The following TUBGCP3 variants were observed in gnomAD, a reference collection of about 807,000 sequenced individuals.
TUBGCP3 encodes the protein gamma-tubulin complex component 3.
In TUBGCP3, 50 loss-of-function variants were observed where a neutral mutation model predicts 123.1. That is an observed-to-expected ratio of 0.41 (90% confidence interval 0.32 to 0.51). TUBGCP3 has a LOEUF of 0.51. TUBGCP3 is among the 20% of genes least tolerant of loss of function. TUBGCP3 has a pLI of 0.36. For missense variants in TUBGCP3, 882 were observed against 1,127.0 expected, an observed-to-expected ratio of 0.78 and a Z score of 3.11; for synonymous variants, 405 against 413.9, an observed-to-expected ratio of 0.98 and a Z score of 0.26.
chr13:112,489,921 C>T lies in TUBGCP3; in HGVS notation c.2449-224G>A, dbSNP rs1017424566. The T allele has an allele frequency of 1.6e-5, 9 of 558,794 alleles. No individual in the cohort carries two copies. The South Asian group carries it at 1.7e-4, about 11-fold the overall frequency. The allele number at this position is 558,794 out of a possible 1,614,324, so 34.6% of individuals were successfully genotyped here. ...ATATTTCATATGAACACATTTGAGA[C>T]TGCCTCTGTTGTTTTTAATATCACA... On this transcript the variant is annotated intron_variant, in intron 20 of 21. Coordinates refer to ENST00000261965, the MANE Select transcript of TUBGCP3 (RefSeq NM_006322.6).
intron 21 of TUBGCP3, among the ~76,000 whole-genome samples, chr13:112,489,164 C>G (rs1274418757): frequency 2.7e-5 from 4 of 150,010 alleles, no homozygotes; most frequent in African/African-American, 9.9e-5. Flanking sequence ...CCCAGGTCCC[C>G]ACACCCACCA....
chr13:112,515,392 G>T (rs1055113142), intron 17 of TUBGCP3, among the ~76,000 whole-genome samples: 1 of 152,156 alleles, frequency 6.6e-6, no homozygotes, highest in Non-Finnish European at 1.5e-5. Context: ...GTATTCATAA[G>T]AACACAGGGG....
chr13:112,547,340 A>G (rs1032242100), intron 10 of TUBGCP3: 1 of 424,414 alleles, frequency 2.4e-6, no homozygotes, highest in Non-Finnish European at 4.0e-6. Flanking sequence ...TCTACCATAT[A>G]AATACTGGGC....
intron 12 of TUBGCP3, 75 bp downstream of exon 12, chr13:112,527,299 A>T: frequency 8.8e-7 from 1 of 1,131,194 alleles, no homozygotes; most frequent in South Asian, 1.5e-5. Context: ...TTTAACTGAA[A>T]ATTGGTTTTG....
intron 1 of TUBGCP3, among the ~76,000 whole-genome samples, chr13:112,577,081 G>A (rs1881883086): frequency 6.6e-6 from 1 of 152,018 alleles, no homozygotes; most frequent in Non-Finnish European, 1.5e-5. Context: ...AAGGGATACT[G>A]CCACTGATCT....
chr13:112,527,564 G>A, intron 11 of TUBGCP3, 80 bp from the exon 12 acceptor site: 1 of 998,786 alleles, frequency 1.0e-6, no homozygotes, highest in South Asian at 1.4e-5. Context: ...CAAAGAGTAA[G>A]TTATTCTAGA....
Position 112,504,015 on chromosome 13 carries a change from G to A in TUBGCP3, c.2307+17C>T, listed in dbSNP as rs374347551. 2.5e-6 allele frequency: 4 copies of A among 1,584,690 alleles called. No homozygotes were observed. The highest frequency in any genetic ancestry group is 2.6e-6 in the Non-Finnish European group (3 of 1,163,374). On this transcript the variant is annotated intron_variant, in intron 19 of 21. Transcript: ENST00000261965. ...GATTCTTTTGGTTTCTTGTTTCTAA[G>A]CAGGTCGGAGTCTTACCCTGGAGTC... is the stretch of plus-strand genomic sequence containing the variant.
At chr13:112,525,770 A>C (rs1363512554) in intron 13 of TUBGCP3, among the ~76,000 whole-genome samples, 2 of 152,190 alleles carry the variant, frequency 1.3e-5, no homozygotes, top group African/African-American at 2.4e-5. Flanking sequence ...CTCCAAACAA[A>C]GCCTTTGCAT....
intron 14 of TUBGCP3, 48 bp from the exon 15 acceptor site, chr13:112,520,069 A>G (rs764006623): frequency 6.4e-7 from 1 of 1,557,336 alleles, no homozygotes; most frequent in Admixed American, 1.8e-5. Flanking sequence ...TCAATTCTTA[A>G]TGAACTTTAA....
chr13:112,547,558 AAAGTCGCG>A (rs1566567441), intron 10 of TUBGCP3, 54 bp downstream of exon 10: 2 of 1,340,772 alleles, frequency 1.5e-6, no homozygotes, highest in East Asian at 2.6e-5. Flanking sequence ...CGCGCGTGGG[AAAGTCGCG>A]CGTGGGAAAG....
the TUBGCP3 span, among the ~76,000 whole-genome samples, chr13:112,595,978 T>C: frequency 6.6e-6 from 1 of 152,228 alleles, no homozygotes; most frequent in Non-Finnish European, 1.5e-5. Flanking sequence ...GAGGAGTTTC[T>C]TTAGGTGCTA....
intron 21 of TUBGCP3, among the ~76,000 whole-genome samples, chr13:112,487,988 C>T (rs753962585): frequency 6.6e-6 from 1 of 151,822 alleles, no homozygotes; most frequent in Non-Finnish European, 1.5e-5. Flanking sequence ...AACAATTAGC[C>T]GGGTGTGGTG....
intron 20 of TUBGCP3, among the ~76,000 whole-genome samples, chr13:112,491,321 T>C (rs1255465820): frequency 1.3e-5 from 2 of 152,222 alleles, no homozygotes; most frequent in South Asian, 2.1e-4. Flanking sequence ...TCTTTCATAG[T>C]CTGTAAGAAA....
At chr13:112,559,539 G>T in intron 3 of TUBGCP3, 140 bp from the exon 4 acceptor site, 2 of 719,668 alleles carry the variant, frequency 2.8e-6, no homozygotes, top group Non-Finnish European at 2.1e-6. Context: ...CAATTCATAA[G>T]TATTTTCAAC....
rs551580041 is a variant in TUBGCP3 at position 112,559,867 on chromosome 13, G to A, written c.253-468C>T. On this transcript the variant is annotated intron_variant, in intron 3 of 21. Transcript: ENST00000261965. ...ATGCAGGTCTGGGCCGGGAACAGGG[G>A]CTCACGCCTGTAATCCCAGCACTTT... is the stretch of plus-strand genomic sequence containing the variant. 3.9e-5 allele frequency among the ~76,000 whole-genome samples: 6 copies of A among 152,340 alleles called. No individual in the cohort carries two copies. The East Asian group carries it at 9.7e-4, about 25-fold the overall frequency.
intron 8 of TUBGCP3, among the ~76,000 whole-genome samples, chr13:112,550,561 C>T (rs940668261): frequency 6.6e-5 from 10 of 152,286 alleles, no homozygotes; most frequent in African/African-American, 1.9e-4. Flanking sequence ...CAGCCCCTGA[C>T]GGTATGAACC....
intron 21 of TUBGCP3, among the ~76,000 whole-genome samples, chr13:112,487,598 C>T (rs931146922): frequency 1.3e-5 from 2 of 152,058 alleles, no homozygotes; most frequent in Non-Finnish European, 2.9e-5. Flanking sequence ...TGGATCTAAC[C>T]ATTAGGTGTC....
At chr13:112,601,664 C>T in the TUBGCP3 span, among the ~76,000 whole-genome samples, 1 of 152,062 alleles carries the variant, frequency 6.6e-6, no homozygotes, top group South Asian at 2.1e-4. Flanking sequence ...CAGTCAGGTC[C>T]GACTCATCCC....
chr13:112,489,413 C>G (rs1217827532), intron 21 of TUBGCP3, among the ~76,000 whole-genome samples, 168 bp downstream of exon 21: 1 of 152,254 alleles, frequency 6.6e-6, no homozygotes, highest in East Asian at 1.9e-4. Flanking sequence ...CCAGGCATAC[C>G]CGAGTCCCCC....
Sources: gnomAD v4.1 joint callset for allele counts (sites outside exome capture counted in the v4.1 genomes callset) on GRCh38, gnomAD v4.1.1 for gene constraint, MANE v1.5 for transcripts, NCBI Gene and HGNC (gene_info 2026-07-23, HGNC 2026-07-21) for gene names.